Variants in SLC35F4 observed in about 807,000 individuals in gnomAD.
The protein encoded by SLC35F4 is solute carrier family 35 member F4, also known as chromosome 14 open reading frame 36.
In SLC35F4, 24 loss-of-function variants were observed where a neutral mutation model predicts 44.2. The observed-to-expected ratio is 0.54, with a 90% CI of 0.39 to 0.76. The LOEUF is 0.76. Ranked by LOEUF, SLC35F4 falls within the 30% of genes least tolerant of loss-of-function variation. SLC35F4 has a pLI of 0.00. For missense variants in SLC35F4, 562 were observed against 586.1 expected, an observed-to-expected ratio of 0.96 and a Z score of 0.42; for synonymous variants, 238 against 223.6, an observed-to-expected ratio of 1.06 and a Z score of -0.57.
In SLC35F4 at chr14:57,865,842, C is replaced by CA. The variant is rs1566915332; in HGVS notation, c.-18_-17insT. 6.7e-7 allele frequency: 1 copy of CA among 1,486,156 alleles called. No homozygotes were observed. Among genetic ancestry groups the CA allele is most frequent in the Non-Finnish European group, 8.9e-7 (1 of 1,120,148 alleles). The allele number at this position is 1,486,156 out of a possible 1,614,324, so 92.1% of individuals were successfully genotyped here. ...GACATCCATAGAGAGCGCGGGGCGA[C>CA]GGCCCCGAGTGCGGCGGGGCGGAGA... On this transcript the variant is annotated 5_prime_UTR_variant, in exon 1 of 8. Transcript: ENST00000556826.
chr14:57,746,796 A>G (rs913953305), intron 1 of SLC35F4, among the ~76,000 whole-genome samples: 2 of 152,178 alleles, frequency 1.3e-5, no homozygotes, highest in Non-Finnish European at 2.9e-5. Context: ...TCTGCAAGCT[A>G]CCATTTATTA....
At chr14:57,806,639 A>G (rs1881353625) in intron 1 of SLC35F4, among the ~76,000 whole-genome samples, 1 of 152,222 alleles carries the variant, frequency 6.6e-6, no homozygotes, top group Non-Finnish European at 1.5e-5. Context: ...TAGAAATATG[A>G]AATGATTTTC....
chr14:57,951,023 T>C (rs776606354), intron 1 of SLC35F4, among the ~76,000 whole-genome samples: 6 of 152,092 alleles, frequency 3.9e-5, no homozygotes, highest in Non-Finnish European at 8.8e-5. Context: ...AGATGGCCAA[T>C]TGGGAACACC....
At chr14:57,943,088 A>G (rs2141074045) in intron 1 of SLC35F4, among the ~76,000 whole-genome samples, 1 of 152,306 alleles carries the variant, frequency 6.6e-6, no homozygotes, top group South Asian at 2.1e-4. Context: ...TTCCCTAGAA[A>G]CATCAGGAAA....
chr14:57,794,969 C>T (rs184056060), intron 1 of SLC35F4, among the ~76,000 whole-genome samples: 10 of 152,184 alleles, frequency 6.6e-5, no homozygotes, highest in Admixed American at 3.9e-4. Context: ...AATTCCTGCT[C>T]CATCAATTAT....
At chr14:57,609,239 AT>A (rs563271803) in intron 1 of SLC35F4, among the ~76,000 whole-genome samples, 3 of 152,292 alleles carry the variant, frequency 2.0e-5, no homozygotes, top group African/African-American at 7.2e-5. Flanking sequence ...TTAGAAAAAA[AT>A]GATCTTTTAT....
At chr14:57,800,814 A>C (rs947799896) in intron 1 of SLC35F4, among the ~76,000 whole-genome samples, 3 of 152,218 alleles carry the variant, frequency 2.0e-5, no homozygotes, top group Non-Finnish European at 4.4e-5. Flanking sequence ...AGACAAGAAT[A>C]GAGAAAAAAG....
intron 1 of SLC35F4, among the ~76,000 whole-genome samples, chr14:57,700,606 CA>C (rs998704389): frequency 2.2e-4 from 33 of 152,106 alleles, no homozygotes; most frequent in African/African-American, 7.9e-4. Context: ...TATACCTGTA[CA>C]AAAACATTTT....
At chr14:57,969,490 C>T (rs1010433372) in intron 1 of SLC35F4, among the ~76,000 whole-genome samples, 1 of 152,174 alleles carries the variant, frequency 6.6e-6, no homozygotes, top group African/African-American at 2.4e-5. Context: ...AGTGTACCTA[C>T]ATTCCTAATA....
intron 1 of SLC35F4, among the ~76,000 whole-genome samples, chr14:57,699,845 T>C (rs934424180): frequency 3.9e-5 from 6 of 152,240 alleles, no homozygotes; most frequent in Non-Finnish European, 7.3e-5. Context: ...TTACAATTTC[T>C]TCTAAAATAC....
At position 57,820,382 on chromosome 14, in the gene SLC35F4, G is replaced by A. The variant is rs145092794; in HGVS notation, c.103+45341C>T. Among the ~76,000 whole-genome samples the A allele has an allele frequency of 5.7e-3, 871 of 152,298 alleles. 3 individuals carry two copies. Among genetic ancestry groups the A allele is most frequent in the Non-Finnish European group, 9.3e-3 (632 of 68,020 alleles). On this transcript the variant is annotated intron_variant, in intron 1 of 7. Transcript: ENST00000556826. ...GGCAGCAACTGAAGGCAAAATGTGA[G>A]TCTGGGTAAGAGAAAAATGGTATAC...
At chr14:57,740,838 T>C (rs557042279) in intron 1 of SLC35F4, among the ~76,000 whole-genome samples, 2 of 152,282 alleles carry the variant, frequency 1.3e-5, no homozygotes. Flanking sequence ...CTCAAGTGGG[T>C]TCCTGACCCC....
chr14:57,616,995 T>C (rs1031160542), intron 1 of SLC35F4, among the ~76,000 whole-genome samples: 1 of 152,146 alleles, frequency 6.6e-6, no homozygotes, highest in South Asian at 2.1e-4. Flanking sequence ...GTTTTCTGTT[T>C]TGCAAAAACA....
intron 1 of SLC35F4, among the ~76,000 whole-genome samples, chr14:57,615,799 TTA>T: frequency 1.3e-5 from 1 of 79,360 alleles, no homozygotes; most frequent in Non-Finnish European, 3.4e-5. Flanking sequence ...CAAAACAATA[TTA>T]TGAGGCTTTT....
intron 1 of SLC35F4, among the ~76,000 whole-genome samples, chr14:57,755,457 T>C (rs912167332): frequency 2.0e-5 from 3 of 152,188 alleles, no homozygotes; most frequent in Non-Finnish European, 4.4e-5. Flanking sequence ...GGTTGACAAC[T>C]GCTTCTTTCT....
intron 7 of SLC35F4, 36 bp downstream of exon 7, chr14:57,566,439 T>C (rs1350923062): frequency 6.5e-7 from 1 of 1,549,688 alleles, no homozygotes; most frequent in Non-Finnish European, 8.8e-7. Flanking sequence ...AGACTTGTAG[T>C]GGCCAGGATC....
chr14:57,807,313 G>T (rs1200417904), intron 1 of SLC35F4, among the ~76,000 whole-genome samples: 1 of 149,402 alleles, frequency 6.7e-6, no homozygotes. Flanking sequence ...TGCCCCAGCT[G>T]GTGCTACCTA....
chr14:57,966,642 AAC>A (rs972803792), intron 1 of SLC35F4, among the ~76,000 whole-genome samples: 4 of 152,356 alleles, frequency 2.6e-5, no homozygotes, highest in Admixed American at 2.6e-4. Flanking sequence ...AAAACTTAAA[AAC>A]AGTTTTAAAG....
At chr14:57,743,944 C>T (rs552968420) in intron 1 of SLC35F4, among the ~76,000 whole-genome samples, 1 of 152,266 alleles carries the variant, frequency 6.6e-6, no homozygotes, top group East Asian at 1.9e-4. Flanking sequence ...TAAACATAAT[C>T]CAGCATATAA....
Sources: allele counts gnomAD v4.1 joint callset (sites outside exome capture counted in the v4.1 genomes callset), GRCh38; gene constraint gnomAD v4.1.1; transcripts MANE v1.5; gene names NCBI Gene and HGNC (gene_info 2026-07-23, HGNC 2026-07-21).